Variants in PRKG1 observed in about 807,000 individuals in gnomAD.
The protein encoded by PRKG1 is cGMP-dependent protein kinase 1.
A neutral mutation model predicts 88.1 loss-of-function variants in PRKG1; 35 were observed. That is an observed-to-expected ratio of 0.40 (90% CI 0.30 to 0.53). The LOEUF is 0.53. Among genes scored for constraint, PRKG1 ranks in the 20% least tolerant of loss-of-function variants. The pLI is 0.59. For missense variants in PRKG1, 540 were observed against 839.8 expected (o/e 0.64, Z 4.41); for synonymous variants, 303 against 292.5 (o/e 1.04, Z -0.37).
intron 2 of PRKG1, among the ~76,000 whole-genome samples, chr10:51,448,455 G>T (rs1256499190): frequency 6.6e-6 from 1 of 151,956 alleles, no homozygotes; most frequent in East Asian, 1.9e-4. Context: ...ATAACCACAT[G>T]AAGTGTATTA....
At chr10:51,067,046 T>A (rs1189821376) in intron 1 of PRKG1, among the ~76,000 whole-genome samples, 1 of 151,958 alleles carries the variant, frequency 6.6e-6, no homozygotes, top group African/African-American at 2.4e-5. Context: ...TACAACTACT[T>A]TTTTTTCTTG....
At chr10:51,950,651 G>C (rs534603388) in intron 5 of PRKG1, among the ~76,000 whole-genome samples, 7 of 152,346 alleles carry the variant, frequency 4.6e-5, no homozygotes, top group East Asian at 1.9e-4. Context: ...AGCCCCAGAG[G>C]GGGTATTAGT....
At chr10:51,788,586 C>T (rs184387695) in intron 3 of PRKG1, among the ~76,000 whole-genome samples, 1 of 152,068 alleles carries the variant, frequency 6.6e-6, no homozygotes, top group Non-Finnish European at 1.5e-5. Flanking sequence ...AGTCTACTAG[C>T]GCCTAGAAAA....
intron 2 of PRKG1, among the ~76,000 whole-genome samples, chr10:51,290,262 C>T (rs572769936): frequency 1.5e-4 from 23 of 152,020 alleles, no homozygotes; most frequent in South Asian, 8.3e-4. Context: ...AAAAAAAAGA[C>T]GAGTAACAAA....
intron 3 of PRKG1, among the ~76,000 whole-genome samples, chr10:51,547,316 T>C (rs1033970): frequency 0.75 from 113,194 of 151,476 alleles, 42,866 homozygotes; most frequent in East Asian, 0.98. Context: ...TTAAGTCATT[T>C]ATTTATTTAA....
chr10:51,274,124 C>T (rs1485011186), intron 2 of PRKG1, among the ~76,000 whole-genome samples: 1 of 152,084 alleles, frequency 6.6e-6, no homozygotes. Context: ...TTTATGACAC[C>T]TTCCTGGTGT....
At chr10:51,969,563 A>G (rs567584725) in intron 5 of PRKG1, among the ~76,000 whole-genome samples, 2 of 152,260 alleles carry the variant, frequency 1.3e-5, no homozygotes, top group South Asian at 2.1e-4. Flanking sequence ...TTACAAATCA[A>G]TAAGAAAAAG....
At chr10:52,000,757 T>C (rs1444158171) in intron 5 of PRKG1, among the ~76,000 whole-genome samples, 1 of 152,050 alleles carries the variant, frequency 6.6e-6, no homozygotes, top group Non-Finnish European at 1.5e-5. Context: ...CTCTCACACA[T>C]TGAATTAGTA....
chr10:51,187,552 T>C (rs1455913208), intron 2 of PRKG1, among the ~76,000 whole-genome samples: 2 of 152,026 alleles, frequency 1.3e-5, no homozygotes, highest in Non-Finnish European at 2.9e-5. Context: ...AATTTGTTTC[T>C]GAGTGTTTGG....
chr10:52,188,300 A>ATG (rs1275838430), intron 9 of PRKG1, among the ~76,000 whole-genome samples: 12 of 117,382 alleles, frequency 1.0e-4, no homozygotes, highest in African/African-American at 3.3e-4. Flanking sequence ...GTATATATAT[A>ATG]TGTATATATA....
intron 1 of PRKG1, among the ~76,000 whole-genome samples, chr10:51,152,016 GC>G (rs1846085858): frequency 6.6e-6 from 1 of 151,950 alleles, no homozygotes; most frequent in Admixed American, 6.6e-5. Context: ...CAAATGTGCT[GC>G]CTCCTCTCTG....
At chr10:51,118,179 G>A (rs576230971) in intron 1 of PRKG1, among the ~76,000 whole-genome samples, 39 of 152,136 alleles carry the variant, frequency 2.6e-4, no homozygotes, top group Non-Finnish European at 4.6e-4. Context: ...CTTTAGGTCA[G>A]TGTTTTATGG....
Position 52,295,418 on chromosome 10 carries a change from G to C in PRKG1, c.*1518G>C, listed in dbSNP as rs956332928. The C allele has an allele frequency of 3.9e-5, 6 of 152,002 alleles. No individual in the cohort carries two copies. Among genetic ancestry groups the C allele is most frequent in the African/African-American group, 1.4e-4 (6 of 41,416 alleles). The allele number at this position is 152,002 out of a possible 1,614,324, so 9.4% of individuals were successfully genotyped here. On this transcript the variant is annotated 3_prime_UTR_variant, in exon 18 of 18. Transcript: ENST00000373980. ...AAAAGACTAGATTTGAAAATGTCAA[G>C]CTGATTTACTTTATTCACATGGAGA... is the stretch of plus-strand genomic sequence containing the variant.
At chr10:51,263,655 A>T (rs1471317652) in intron 2 of PRKG1, among the ~76,000 whole-genome samples, 1 of 152,232 alleles carries the variant, frequency 6.6e-6, no homozygotes, top group Admixed American at 6.5e-5. Flanking sequence ...GTTACTGTGC[A>T]TGTAACGTAT....
intron 2 of PRKG1, among the ~76,000 whole-genome samples, chr10:51,164,687 A>G (rs1175040967): frequency 1.3e-5 from 2 of 152,134 alleles, no homozygotes; most frequent in Non-Finnish European, 1.5e-5. Context: ...AATAACCAAT[A>G]CAGAGAAGTG....
chr10:51,855,393 C>G (rs1304101386), intron 4 of PRKG1, among the ~76,000 whole-genome samples: 1 of 152,168 alleles, frequency 6.6e-6, no homozygotes, highest in East Asian at 1.9e-4. Flanking sequence ...CAGCAGCCAT[C>G]TTAACATTGA....
chr10:51,080,915 G>A (rs1391247709), intron 1 of PRKG1, among the ~76,000 whole-genome samples: 1 of 152,144 alleles, frequency 6.6e-6, no homozygotes, highest in Non-Finnish European at 1.5e-5. Flanking sequence ...GGATAATTTT[G>A]TTTGTAAGAG....
At chr10:51,945,026 C>T (rs879779616) in intron 5 of PRKG1, among the ~76,000 whole-genome samples, 441 of 150,776 alleles carry the variant, frequency 2.9e-3, no homozygotes, top group Non-Finnish European at 4.0e-3. Flanking sequence ...CTTTCTGTCT[C>T]GTTGATCTGT....
At chr10:51,367,868 G>T (rs1408320966) in intron 2 of PRKG1, among the ~76,000 whole-genome samples, 1 of 151,940 alleles carries the variant, frequency 6.6e-6, no homozygotes, top group Non-Finnish European at 1.5e-5. Flanking sequence ...GACATTCAGA[G>T]CACTCAAAGA....
Sources: allele counts gnomAD v4.1 joint callset (sites outside exome capture counted in the v4.1 genomes callset), GRCh38; gene constraint gnomAD v4.1.1; transcripts MANE v1.5; gene names NCBI Gene and HGNC (gene_info 2026-07-23, HGNC 2026-07-21).